The following MTFR1 variants were observed in gnomAD, a reference collection of about 807,000 sequenced individuals.
MTFR1 encodes the protein mitochondrial fission regulator 1, also known as chondrocyte protein with a poly-proline region.
Under a neutral mutation model 38.8 loss-of-function variants are expected in MTFR1, and 28 were observed. The observed-to-expected ratio is 0.72, with a 90% confidence interval of 0.53 to 0.99. MTFR1 has a LOEUF of 0.99. Among genes scored for constraint, MTFR1 ranks in the 50% least tolerant of loss-of-function variants. MTFR1 has a pLI of 0.00. For missense variants in MTFR1, 358 were observed against 395.5 expected, an observed-to-expected ratio of 0.91 and a Z score of 0.81; for synonymous variants, 145 against 137.0, an observed-to-expected ratio of 1.06 and a Z score of -0.41.
chr8:65,735,269 G>A (rs756199141), intron 3 of MTFR1, among the ~76,000 whole-genome samples: 1 of 152,118 alleles, frequency 6.6e-6, no homozygotes, highest in Non-Finnish European at 1.5e-5. Flanking sequence ...TTCTGCACTT[G>A]CTTCCGTCCC....
rs1806513341 is a variant in MTFR1, at chr8:65,724,202, G to A, written c.*48+4721G>A. 4.4e-6 allele frequency: 5 copies of A among 1,146,454 alleles called. No homozygotes were observed. In the South Asian group the frequency reaches 6.3e-5, roughly 14 times the overall value. 71.0% of individuals were successfully genotyped at this position (1,146,454 alleles called of 1,614,324 possible). A position where few individuals can be genotyped will look rare whatever the true frequency, so the allele number is the denominator to read the frequency against. On this transcript the variant is annotated intron_variant, in intron 3 of 3. Transcript: ENST00000521247. Reference sequence around the variant, plus strand: ...TATTGAGTTATTTTATTCTTACGATGTTAAAAAAAAATGAACTGGATAGAT... The same window carrying A: ...TATTGAGTTATTTTATTCTTACGATATTAAAAAAAAATGAACTGGATAGAT...
At chr8:65,729,364 C>CT (rs10540107) in intron 3 of MTFR1, among the ~76,000 whole-genome samples, 19,218 of 79,758 alleles carry the variant, frequency 0.24, 1,939 homozygotes, top group Non-Finnish European at 0.32. Flanking sequence ...TTGGTGGTAG[C>CT]TTTTTTTTTT....
chr8:65,753,701 C>T (rs887182625), intron 3 of MTFR1, among the ~76,000 whole-genome samples: 2 of 152,096 alleles, frequency 1.3e-5, no homozygotes, highest in Non-Finnish European at 2.9e-5. Context: ...ATTGTCCTAT[C>T]CATTATTGAA....
intron 3 of MTFR1, chr8:65,735,011 C>A (rs550259405): frequency 7.4e-6 from 5 of 671,540 alleles, no homozygotes; most frequent in Admixed American, 6.6e-5. Flanking sequence ...CGGCTAAAAT[C>A]GTGCCGATTC....
intron 3 of MTFR1, among the ~76,000 whole-genome samples, chr8:65,688,348 C>T (rs1364676470): frequency 2.0e-5 from 3 of 146,556 alleles, no homozygotes; most frequent in South Asian, 2.2e-4. Context: ...TGCAGTGAGC[C>T]GAGATCACAC....
chr8:65,763,480 A>G (rs1808612000), intron 3 of MTFR1, among the ~76,000 whole-genome samples: 1 of 151,978 alleles, frequency 6.6e-6, no homozygotes, highest in Non-Finnish European at 1.5e-5. Context: ...CAGGAGAATC[A>G]CTTGAACCCA....
chr8:65,686,555 G>A (rs1273946473), intron 3 of MTFR1, among the ~76,000 whole-genome samples: 2 of 149,772 alleles, frequency 1.3e-5, no homozygotes, highest in Non-Finnish European at 3.0e-5. Context: ...ACTCCAGCCT[G>A]GGCGAAAGAG....
chr8:65,729,080 A>C (rs1377003525), intron 3 of MTFR1, among the ~76,000 whole-genome samples: 2 of 152,194 alleles, frequency 1.3e-5, no homozygotes, highest in Non-Finnish European at 2.9e-5. Context: ...TAACTTTTTA[A>C]GGTGGATTAA....
chr8:65,732,238 A>T (rs1292646537), intron 3 of MTFR1, among the ~76,000 whole-genome samples: 1 of 152,098 alleles, frequency 6.6e-6, no homozygotes, highest in African/African-American at 2.4e-5. Flanking sequence ...ACCTCAGGTG[A>T]TTCACCAGCC....
chr8:65,657,305 G>A (rs931852643), intron 1 of MTFR1, among the ~76,000 whole-genome samples: 5 of 152,074 alleles, frequency 3.3e-5, no homozygotes, highest in African/African-American at 1.2e-4. Context: ...AAGCAACTGC[G>A]CCCAGTCTAT....
intron 3 of MTFR1, among the ~76,000 whole-genome samples, chr8:65,754,961 C>G (rs1808154346): frequency 6.7e-6 from 1 of 148,768 alleles, no homozygotes; most frequent in Non-Finnish European, 1.5e-5. Context: ...GAGACTCCCT[C>G]AAAAAAATAA....
chr8:65,777,077 CTT>C, the MTFR1 span, among the ~76,000 whole-genome samples: 556 of 90,478 alleles, frequency 6.1e-3, 5 homozygotes, highest in African/African-American at 0.027. Flanking sequence ...TTATCAAATG[CTT>C]TTTTTTTTTT....
chr8:65,666,644 G>A (rs1804389655), intron 1 of MTFR1, among the ~76,000 whole-genome samples: 1 of 152,106 alleles, frequency 6.6e-6, no homozygotes, highest in Non-Finnish European at 1.5e-5. Flanking sequence ...GATGGTTTGT[G>A]ATAATTGAGA....
chr8:65,751,850 C>T (rs1180948760), intron 3 of MTFR1, among the ~76,000 whole-genome samples: 2 of 152,160 alleles, frequency 1.3e-5, no homozygotes, highest in Non-Finnish European at 2.9e-5. Flanking sequence ...ACTTATTTTA[C>T]ATAAATGGTA....
At chr8:65,698,518 G>A (rs934191809) in intron 4 of MTFR1, among the ~76,000 whole-genome samples, 6 of 151,940 alleles carry the variant, frequency 3.9e-5, no homozygotes, top group Non-Finnish European at 7.4e-5. Context: ...AATCAGAAGT[G>A]TTCCAAACTC....
At chr8:65,724,288 T>C (rs1433033818) in intron 3 of MTFR1, 1 of 1,612,496 alleles carries the variant, frequency 6.2e-7, no homozygotes, top group Non-Finnish European at 8.5e-7. Context: ...ACTTTTTCAC[T>C]CCACTGCTTG....
At chr8:65,775,318 T>C (rs747905829), downstream of MTFR1, among the ~76,000 whole-genome samples, 1 of 152,216 alleles carries the variant, frequency 6.6e-6, no homozygotes, top group Non-Finnish European at 1.5e-5. Context: ...CTTTTCTTAG[T>C]GTATTTTGAT....
intron 1 of MTFR1, among the ~76,000 whole-genome samples, chr8:65,649,374 C>T (rs530955156): frequency 2.0e-5 from 3 of 152,140 alleles, no homozygotes; most frequent in South Asian, 2.1e-4. Flanking sequence ...TTAGGAGAGA[C>T]AGCGTTTCAC....
intron 3 of MTFR1, among the ~76,000 whole-genome samples, chr8:65,741,398 CTGTT>C (rs1321467391): frequency 6.6e-6 from 1 of 152,140 alleles, no homozygotes; most frequent in East Asian, 1.9e-4. Flanking sequence ...TAATAAAGGA[CTGTT>C]TGGTTAACCT....
Sources: gnomAD v4.1 joint callset for allele counts (sites outside exome capture counted in the v4.1 genomes callset) on GRCh38, gnomAD v4.1.1 for gene constraint, MANE v1.5 for transcripts, NCBI Gene and HGNC (gene_info 2026-07-23, HGNC 2026-07-21) for gene names.